MOB3B: variants seen among roughly 807,000 people sequenced by gnomAD.
MOB3B encodes the protein MOB kinase activator 3B.
MOB3B carries 7 observed loss-of-function variants against 18.7 expected under a neutral mutation model. The observed-to-expected ratio is 0.37, with a 90% CI of 0.21 to 0.70. The LOEUF is 0.70. Among genes scored for constraint, MOB3B ranks in the 30% least tolerant of loss-of-function variants. MOB3B has a pLI of 0.52. For synonymous variants in MOB3B, 111 were observed against 99.9 expected (o/e 1.11, Z -0.66); for missense variants, 253 against 281.3 (o/e 0.90, Z 0.72).
At chr9:27,480,862 A>G (rs762212599) in intron 1 of MOB3B, among the ~76,000 whole-genome samples, 7 of 152,232 alleles carry the variant, frequency 4.6e-5, no homozygotes, top group Non-Finnish European at 8.8e-5. Context: ...AAGAATTAAG[A>G]GAACAGAAAA....
intron 3 of MOB3B, among the ~76,000 whole-genome samples, chr9:27,351,873 G>C (rs1397631594): frequency 6.6e-6 from 1 of 152,120 alleles, no homozygotes; most frequent in African/African-American, 2.4e-5. Context: ...TATGAGACAA[G>C]GCTTTCCAAA....
intron 2 of MOB3B, among the ~76,000 whole-genome samples, chr9:27,454,301 A>C (rs1408838264): frequency 6.6e-6 from 1 of 152,216 alleles, no homozygotes; most frequent in African/African-American, 2.4e-5. Flanking sequence ...ACAAGTATTT[A>C]TTCCATCATT....
At chr9:27,332,630 G>C (rs1036135917) in intron 3 of MOB3B, among the ~76,000 whole-genome samples, 2 of 152,132 alleles carry the variant, frequency 1.3e-5, no homozygotes, top group Admixed American at 1.3e-4. Context: ...AAGGTAAATG[G>C]GTAAGGTACA....
intron 2 of MOB3B, among the ~76,000 whole-genome samples, chr9:27,401,120 G>A (rs1459448059): frequency 2.0e-5 from 3 of 152,208 alleles, no homozygotes; most frequent in Non-Finnish European, 4.4e-5. Flanking sequence ...CCAGGGAACT[G>A]AAGAGCAGGG....
chr9:27,334,225 G>A (rs1820831159), intron 3 of MOB3B, among the ~76,000 whole-genome samples: 1 of 152,176 alleles, frequency 6.6e-6, no homozygotes, highest in African/African-American at 2.4e-5. Context: ...AAAAATATGG[G>A]TCCAACATGA....
intron 2 of MOB3B, among the ~76,000 whole-genome samples, chr9:27,420,897 C>G (rs926843513): frequency 9.4e-6 from 1 of 106,372 alleles, no homozygotes; most frequent in African/African-American, 2.6e-5. Context: ...CACTAAAGAA[C>G]TTACTCATGT....
At chr9:27,471,514 C>T (rs547841085) in intron 1 of MOB3B, among the ~76,000 whole-genome samples, 2 of 152,188 alleles carry the variant, frequency 1.3e-5, no homozygotes, top group East Asian at 1.9e-4. Flanking sequence ...TCAGACTGCC[C>T]GATTTTGACT....
intron 1 of MOB3B, among the ~76,000 whole-genome samples, chr9:27,464,408 G>T (rs1819345014): frequency 6.6e-6 from 1 of 152,116 alleles, no homozygotes; most frequent in African/African-American, 2.4e-5. Flanking sequence ...AATATTTTGA[G>T]GGAGTTCCAG....
At position 27,357,125 on chromosome 9, in the gene MOB3B, T is replaced by A. The variant is rs866125871; in HGVS notation, c.621+1909A>T. Reference sequence around the variant, plus strand: ...CCAGGACTACTGAGTAATGCAAATATATATATATATATATATATATGTGTT... The same window carrying A: ...CCAGGACTACTGAGTAATGCAAATAAATATATATATATATATATATGTGTT... On this transcript the variant is annotated intron_variant, in intron 3 of 3. Coordinates refer to ENST00000262244, the MANE Select transcript of MOB3B (RefSeq NM_024761.5). Among the ~76,000 whole-genome samples the A allele has an allele frequency of 9.6e-4, 75 of 77,854 alleles. 2 individuals carry two copies. The highest frequency in any genetic ancestry group is 1.8e-3 in the Non-Finnish European group (69 of 38,682). The allele number at this position is 77,854 out of a possible 152,430, so 51.1% of individuals were successfully genotyped here. A position where few individuals can be genotyped will look rare whatever the true frequency, so the allele number is the denominator to read the frequency against.
intron 1 of MOB3B, among the ~76,000 whole-genome samples, chr9:27,527,071 T>A (rs756238978): frequency 1.3e-5 from 2 of 152,206 alleles, no homozygotes; most frequent in African/African-American, 2.4e-5. Flanking sequence ...ATTTTCACCA[T>A]TCGATATTTT....
intron 1 of MOB3B, among the ~76,000 whole-genome samples, chr9:27,509,418 T>C (rs1274731113): frequency 6.6e-6 from 1 of 152,120 alleles, no homozygotes; most frequent in African/African-American, 2.4e-5. Flanking sequence ...AATTAGTTTA[T>C]TTATTTATTT....
chr9:27,517,995 T>G (rs897025819), intron 1 of MOB3B, among the ~76,000 whole-genome samples: 1 of 152,092 alleles, frequency 6.6e-6, no homozygotes, highest in African/African-American at 2.4e-5. Context: ...TCTAGAAGAT[T>G]ATTCCTAGAT....
At chr9:27,513,183 G>A (rs1300066750) in intron 1 of MOB3B, among the ~76,000 whole-genome samples, 3 of 152,102 alleles carry the variant, frequency 2.0e-5, no homozygotes, top group Non-Finnish European at 2.9e-5. Flanking sequence ...ACTGCCTTTG[G>A]TGATCACAGA....
chr9:27,368,859 C>T (rs1301349935), intron 2 of MOB3B, among the ~76,000 whole-genome samples: 1 of 152,204 alleles, frequency 6.6e-6, no homozygotes, highest in African/African-American at 2.4e-5. Flanking sequence ...GCTCGTCACA[C>T]CTCCTCCTAC....
In MOB3B at chr9:27,455,742, T is replaced by A. The variant is rs1822859328; in HGVS notation, c.-192A>T. 6.9e-7 allele frequency: 1 copy of A among 1,440,736 alleles called. No homozygotes were observed. Among genetic ancestry groups the A allele is most frequent in the African/African-American group, 1.4e-5 (1 of 69,880 alleles). The allele number at this position is 1,440,736 out of a possible 1,614,324, so 89.2% of individuals were successfully genotyped here. On this transcript the variant is annotated 5_prime_UTR_variant, in exon 2 of 4. Transcript: ENST00000262244. The stretch of plus-strand genomic sequence containing the variant: ...GAATGATTTCCAAGGGAACCTCATG[T>A]TCTTTCCTAAAGGTAGAAGAGAAAA...
At chr9:27,481,929 G>T (rs886090331) in intron 1 of MOB3B, among the ~76,000 whole-genome samples, 1 of 151,846 alleles carries the variant, frequency 6.6e-6, no homozygotes, top group African/African-American at 2.4e-5. Flanking sequence ...TGGGAAATCA[G>T]AATTTTAAAC....
intron 2 of MOB3B, among the ~76,000 whole-genome samples, chr9:27,381,994 A>G (rs1206456979): frequency 6.6e-6 from 1 of 152,166 alleles, no homozygotes; most frequent in Admixed American, 6.5e-5. Flanking sequence ...ACGAGTGGGC[A>G]TTCTCTAGCT....
At chr9:27,483,396 T>C (rs1220520341) in intron 1 of MOB3B, among the ~76,000 whole-genome samples, 1 of 152,178 alleles carries the variant, frequency 6.6e-6, no homozygotes, top group Non-Finnish European at 1.5e-5. Context: ...CCTCCCAAAG[T>C]GCTGGGATTA....
chr9:27,375,899 T>C (rs1297779716), intron 2 of MOB3B, among the ~76,000 whole-genome samples: 1 of 152,244 alleles, frequency 6.6e-6, no homozygotes, highest in African/African-American at 2.4e-5. Flanking sequence ...CATTGTAGAA[T>C]GTATTTACAA....
Sources: gnomAD v4.1 joint callset for allele counts (sites outside exome capture counted in the v4.1 genomes callset) on GRCh38, gnomAD v4.1.1 for gene constraint, MANE v1.5 for transcripts, NCBI Gene and HGNC (gene_info 2026-07-23, HGNC 2026-07-21) for gene names.